Variants in STK32B observed in about 807,000 individuals in gnomAD.
The protein encoded by STK32B is serine/threonine kinase 32B, also known as serine/threonine-protein kinase 32B.
Under a neutral mutation model 52.6 loss-of-function variants are expected in STK32B, and 43 were observed. The ratio of observed to expected loss-of-function variants is 0.82; its 90% CI spans 0.64 to 1.05. The LOEUF (loss-of-function observed/expected upper bound fraction) is 1.05. STK32B is among the 50% of genes least tolerant of loss of function. The probability of loss-of-function intolerance (pLI) is 0.00; values close to 1 mark genes in which losing one functional copy is unlikely to be tolerated. For synonymous variants in STK32B, 238 were observed against 204.3 expected (o/e 1.17, Z -1.41); for missense variants, 621 against 534.6 (o/e 1.16, Z -1.59).
chr4:5,411,715 T>A (rs76226303), intron 5 of STK32B, among the ~76,000 whole-genome samples: 1 of 152,206 alleles, frequency 6.6e-6, no homozygotes, highest in Non-Finnish European at 1.5e-5. Flanking sequence ...TTTCAACATA[T>A]GAATTTTGAC....
At chr4:5,462,023 C>T (rs1717065482) in intron 9 of STK32B, among the ~76,000 whole-genome samples, 1 of 152,136 alleles carries the variant, frequency 6.6e-6, no homozygotes, top group South Asian at 2.1e-4. Context: ...GCTGTTCTCC[C>T]AATATAATTA....
the STK32B span, among the ~76,000 whole-genome samples, chr4:5,044,464 CA>C: frequency 6.6e-6 from 1 of 152,174 alleles, no homozygotes; most frequent in Non-Finnish European, 1.5e-5. Context: ...CACCAAAACA[CA>C]GGGATCCAGC....
chr4:5,140,388 A>G, intron 2 of STK32B: 3 of 1,016,100 alleles, frequency 3.0e-6, no homozygotes, highest in Non-Finnish European at 3.7e-6. Context: ...GTTTTTAGAA[A>G]ACAAAAATAC....
intron 3 of STK32B, among the ~76,000 whole-genome samples, chr4:5,251,634 A>T (rs1284876846): frequency 1.3e-5 from 2 of 152,168 alleles, no homozygotes; most frequent in African/African-American, 4.8e-5. Context: ...GTAGTTTGAT[A>T]GGAATAGCTT....
chr4:5,053,069 A>G (rs1741853175), intron 1 of STK32B, among the ~76,000 whole-genome samples: 1 of 151,990 alleles, frequency 6.6e-6, no homozygotes, highest in Non-Finnish European at 1.5e-5. Flanking sequence ...GGCTTCTAGA[A>G]CTCCCAAGGC....
At chr4:5,192,972 G>A (rs903326385) in intron 3 of STK32B, among the ~76,000 whole-genome samples, 4 of 152,132 alleles carry the variant, frequency 2.6e-5, no homozygotes, top group African/African-American at 9.7e-5. Flanking sequence ...TCCGGCCTTC[G>A]GATCGCCTCT....
chr4:5,290,986 T>C (rs1272628497), intron 3 of STK32B, among the ~76,000 whole-genome samples: 1 of 152,198 alleles, frequency 6.6e-6, no homozygotes, highest in African/African-American at 2.4e-5. Context: ...AGCACTCTGA[T>C]CAAAATCAAT....
intron 6 of STK32B, among the ~76,000 whole-genome samples, chr4:5,423,885 G>A (rs898643289): frequency 6.6e-6 from 1 of 152,158 alleles, no homozygotes; most frequent in African/African-American, 2.4e-5. Context: ...AGGAGCAGGT[G>A]GAAGCCCCGC....
At chr4:5,438,105 C>T in intron 6 of STK32B, 1 of 985,552 alleles carries the variant, frequency 1.0e-6, no homozygotes, top group Middle Eastern at 5.2e-4. Context: ...CCTCGGCACA[C>T]ACAGCCATTC....
At chr4:5,441,517 G>C (rs1714751140) in intron 6 of STK32B, among the ~76,000 whole-genome samples, 1 of 150,798 alleles carries the variant, frequency 6.6e-6, no homozygotes, top group Non-Finnish European at 1.5e-5. Context: ...AGTCTTGCTA[G>C]CAGTCTATCT....
At chr4:5,439,229 A>G (rs895897016) in intron 6 of STK32B, among the ~76,000 whole-genome samples, 3 of 150,876 alleles carry the variant, frequency 2.0e-5, no homozygotes, top group African/African-American at 4.9e-5. Flanking sequence ...ACAGTGTGAA[A>G]GTGTTCCTAT....
intron 1 of STK32B, among the ~76,000 whole-genome samples, chr4:5,108,475 G>C (rs1714227349): frequency 6.6e-6 from 1 of 152,096 alleles, no homozygotes; most frequent in South Asian, 2.1e-4. Flanking sequence ...AGGTTATGCT[G>C]ATCTCATAAA....
At chr4:5,332,052 C>G (rs572241156) in intron 4 of STK32B, among the ~76,000 whole-genome samples, 1 of 152,336 alleles carries the variant, frequency 6.6e-6, no homozygotes, top group Non-Finnish European at 1.5e-5. Flanking sequence ...TTGGTTTACC[C>G]ATGGTCTTGC....
chr4:5,413,325 A>C (rs1046315589), intron 5 of STK32B, among the ~76,000 whole-genome samples: 14 of 152,190 alleles, frequency 9.2e-5, no homozygotes, highest in African/African-American at 3.4e-4. Flanking sequence ...TAGATAGTAA[A>C]GGGTATTTTT....
intron 6 of STK32B, chr4:5,436,701 G>C (rs1714111604): frequency 1.0e-6 from 1 of 976,992 alleles, no homozygotes; most frequent in African/African-American, 1.7e-5. Flanking sequence ...AGAATTGGCA[G>C]CTGAATATCA....
At chr4:5,326,656 T>C (rs911674229) in intron 3 of STK32B, among the ~76,000 whole-genome samples, 2 of 152,218 alleles carry the variant, frequency 1.3e-5, no homozygotes, top group Non-Finnish European at 2.9e-5. Flanking sequence ...AAATACTTGT[T>C]AGCTACAATG....
intron 1 of STK32B, among the ~76,000 whole-genome samples, chr4:5,077,596 T>C (rs1428538489): frequency 6.6e-6 from 1 of 152,146 alleles, no homozygotes; most frequent in Non-Finnish European, 1.5e-5. Flanking sequence ...TCCCAAGATC[T>C]CTTCTCTTCT....
intron 1 of STK32B, among the ~76,000 whole-genome samples, chr4:5,122,354 G>A (rs1240856306): frequency 7.2e-6 from 1 of 138,824 alleles, no homozygotes; most frequent in African/African-American, 2.9e-5. Flanking sequence ...ACTGATTCAT[G>A]CACTTGTTCA....
chr4:5,101,482 G>C (rs937736901), intron 1 of STK32B, among the ~76,000 whole-genome samples: 8 of 152,130 alleles, frequency 5.3e-5, no homozygotes, highest in African/African-American at 1.9e-4. Flanking sequence ...GAAGGGGATG[G>C]GTAATTAAGA....
Sources: allele counts gnomAD v4.1 joint callset (sites outside exome capture counted in the v4.1 genomes callset), GRCh38; gene constraint gnomAD v4.1.1; transcripts MANE v1.5; gene names NCBI Gene and HGNC (gene_info 2026-07-23, HGNC 2026-07-21).